Variants in ZNG1A observed in about 807,000 individuals in gnomAD.
ZNG1A encodes the protein zinc-regulated GTPase metalloprotein activator 1A.
chr9:164,502 A>T, the ZNG1A span: 1 of 144,008 alleles, frequency 6.9e-6, no homozygotes, highest in Non-Finnish European at 1.4e-5. Flanking sequence ...TTGCCCAAAA[A>T]AAATTTACTT....
chr9:166,939 A>C, the ZNG1A span: 2 of 151,958 alleles, frequency 1.3e-5, no homozygotes, highest in African/African-American at 2.4e-5. Context: ...TAATTTGACC[A>C]AAAAAAAGTA....
chr9:158,931 C>G, the ZNG1A span, among the ~76,000 whole-genome samples: 6 of 152,136 alleles, frequency 3.9e-5, no homozygotes, highest in Non-Finnish European at 8.8e-5. Context: ...AAGTCAAACT[C>G]TGCAAAAAGT....
At chr9:158,274 T>C in the ZNG1A span, among the ~76,000 whole-genome samples, 1 of 151,796 alleles carries the variant, frequency 6.6e-6, no homozygotes, top group South Asian at 2.1e-4. Flanking sequence ...ACATAAAAGA[T>C]GTTACATGAA....
the ZNG1A span, among the ~76,000 whole-genome samples, chr9:155,466 C>T: frequency 6.6e-6 from 1 of 151,892 alleles, no homozygotes; most frequent in African/African-American, 2.4e-5. Flanking sequence ...CAGGATATTG[C>T]CCAAATGTCT....
At chr9:145,158 A>C in the ZNG1A span, among the ~76,000 whole-genome samples, 1 of 150,838 alleles carries the variant, frequency 6.6e-6, no homozygotes, top group Non-Finnish European at 1.5e-5. Context: ...AGGGATCTAG[A>C]ACTAGAAATA....
At chr9:125,036 T>C in the ZNG1A span, among the ~76,000 whole-genome samples, 1 of 152,232 alleles carries the variant, frequency 6.6e-6, no homozygotes, top group East Asian at 1.9e-4. Context: ...ACGTATCTTT[T>C]TCGTATAATG....
At chr9:172,368 A>C in the ZNG1A span, 33 of 582,050 alleles carry the variant, frequency 5.7e-5, no homozygotes, top group African/African-American at 9.4e-5. Flanking sequence ...GCATATATAT[A>C]ATAGGTAAAA....
the ZNG1A span, chr9:146,622 T>G: frequency 1.2e-5 from 2 of 161,108 alleles, no homozygotes. Flanking sequence ...TAAGTTACTC[T>G]AGGACCCTGA....
chr9:140,283 G>C, the ZNG1A span, among the ~76,000 whole-genome samples: 3 of 152,030 alleles, frequency 2.0e-5, no homozygotes, highest in South Asian at 6.2e-4. Context: ...TTTGAAGAGA[G>C]CAGTGGTTCT....
chr9:141,076 G>A, the ZNG1A span, among the ~76,000 whole-genome samples: 9 of 138,220 alleles, frequency 6.5e-5, no homozygotes, highest in African/African-American at 2.6e-4. Context: ...TGGTGTACCT[G>A]AAAGTGACAG....
At chr9:163,182 G>C in the ZNG1A span, among the ~76,000 whole-genome samples, 1 of 152,096 alleles carries the variant, frequency 6.6e-6, no homozygotes, top group South Asian at 2.1e-4. Flanking sequence ...CTGAGAAAGG[G>C]AGAAAACATA....
the ZNG1A span, chr9:121,545 T>C: frequency 4.0e-5 from 64 of 1,610,194 alleles, no homozygotes; most frequent in Admixed American, 1.0e-3. Flanking sequence ...TAAACAGCTG[T>C]TTAAGGATAT....
At chr9:129,676 G>T in the ZNG1A span, among the ~76,000 whole-genome samples, 1 of 98,264 alleles carries the variant, frequency 1.0e-5, no homozygotes, top group Non-Finnish European at 2.2e-5. Context: ...GACGAAAATT[G>T]GGGGGGGCTG....
At chr9:143,042 T>G in the ZNG1A span, among the ~76,000 whole-genome samples, 21 of 147,482 alleles carry the variant, frequency 1.4e-4, no homozygotes, top group Non-Finnish European at 2.7e-4. Context: ...TGAAATTGTG[T>G]CAATAATCAA....
chr9:137,669 G>A, the ZNG1A span, among the ~76,000 whole-genome samples: 2 of 147,648 alleles, frequency 1.4e-5, no homozygotes, highest in African/African-American at 2.5e-5. Flanking sequence ...AAAGACAAAG[G>A]CTCTTAACCT....
chr9:121,838 GA>G, the ZNG1A span: 2 of 1,462,116 alleles, frequency 1.4e-6, no homozygotes, highest in Non-Finnish European at 1.8e-6. Flanking sequence ...ATGAAACATT[GA>G]CCACAAGCTT....
the ZNG1A span, among the ~76,000 whole-genome samples, chr9:143,052 A>G: frequency 6.8e-6 from 1 of 147,598 alleles, no homozygotes; most frequent in African/African-American, 2.6e-5. Context: ...TCAATAATCA[A>G]TAGCTTACCA....
the ZNG1A span, among the ~76,000 whole-genome samples, chr9:126,977 C>T: frequency 2.6e-5 from 4 of 151,998 alleles, no homozygotes; most frequent in Non-Finnish European, 4.4e-5. Flanking sequence ...TTCCATGTAT[C>T]GGCATGGTTT....
chr9:124,980 C>T, the ZNG1A span, among the ~76,000 whole-genome samples: 86 of 152,266 alleles, frequency 5.6e-4, no homozygotes, highest in Middle Eastern at 0.01. Context: ...GGGTTGGTTC[C>T]ACGTTTTTGC....
Sources: gnomAD v4.1 joint callset for allele counts (sites outside exome capture counted in the v4.1 genomes callset) on GRCh38, gnomAD v4.1.1 for gene constraint, MANE v1.5 for transcripts, NCBI Gene and HGNC (gene_info 2026-07-23, HGNC 2026-07-21) for gene names.